LUZP2: variants seen among roughly 807,000 people sequenced by gnomAD.
LUZP2 encodes leucine zipper protein 2.
Under a neutral mutation model 51.6 loss-of-function variants are expected in LUZP2, and 52 were observed. That is an observed-to-expected ratio of 1.01 (90% CI 0.81 to 1.27). LUZP2 has a LOEUF of 1.27. Among genes scored for constraint, LUZP2 ranks in the 50% most tolerant of loss-of-function variants. The probability of loss-of-function intolerance (pLI) is 0.00; values close to 1 mark genes in which losing one functional copy is unlikely to be tolerated. For missense variants in LUZP2, 436 were observed against 395.4 expected (o/e 1.10, Z -0.87); for synonymous variants, 154 against 137.3 (o/e 1.12, Z -0.85).
chr11:24,693,980 T>C (rs1162822197), intron 1 of LUZP2, among the ~76,000 whole-genome samples: 3 of 152,012 alleles, frequency 2.0e-5, no homozygotes, highest in African/African-American at 4.8e-5. Flanking sequence ...GAAAAAGAGA[T>C]GCTTTCATAC....
intron 7 of LUZP2, among the ~76,000 whole-genome samples, chr11:24,966,747 C>T (rs915153557): frequency 1.1e-4 from 16 of 145,204 alleles, no homozygotes; most frequent in Admixed American, 6.2e-4. Context: ...ATATATTTTA[C>T]ATTATATATT....
intron 7 of LUZP2, among the ~76,000 whole-genome samples, chr11:24,939,975 A>T (rs1444032959): frequency 1.3e-5 from 2 of 151,526 alleles, no homozygotes; most frequent in Non-Finnish European, 2.9e-5. Flanking sequence ...ACTTGGCATC[A>T]TGGAGGTGCT....
intron 5 of LUZP2, among the ~76,000 whole-genome samples, chr11:24,865,607 C>CCT: frequency 6.6e-6 from 1 of 152,050 alleles, no homozygotes; most frequent in East Asian, 1.9e-4. Flanking sequence ...TGTCTCACTC[C>CCT]CTCTCTCATT....
chr11:24,634,291 C>T, intron 1 of LUZP2, among the ~76,000 whole-genome samples: 1 of 151,978 alleles, frequency 6.6e-6, no homozygotes, highest in South Asian at 2.1e-4. Flanking sequence ...AGTACTATTC[C>T]ATATTACAAG....
At chr11:24,995,305 A>G (rs1352193936) in intron 9 of LUZP2, among the ~76,000 whole-genome samples, 1 of 152,162 alleles carries the variant, frequency 6.6e-6, no homozygotes, top group Non-Finnish European at 1.5e-5. Flanking sequence ...AGGGAGAAGG[A>G]TGGCTTCAGC....
chr11:24,623,226 C>G (rs1238130330), intron 1 of LUZP2, among the ~76,000 whole-genome samples: 1 of 143,776 alleles, frequency 7.0e-6, no homozygotes, highest in Non-Finnish European at 1.5e-5. Context: ...GTAGGCTGTA[C>G]TCATAAAAAC....
chr11:24,876,002 G>A (rs1311019451), intron 5 of LUZP2, among the ~76,000 whole-genome samples: 4 of 151,682 alleles, frequency 2.6e-5, no homozygotes, highest in South Asian at 2.1e-4. Context: ...TCTGGATATT[G>A]GCCCTTTGTC....
rs563751829 is a variant in LUZP2, at chr11:24,962,582, C to T, written c.523-14009C>T. On this transcript the variant is annotated intron_variant, in intron 7 of 11. Coordinates refer to ENST00000336930, the MANE Select transcript of LUZP2 (RefSeq NM_001009909.4). ...CGGCTCCTGAGGCTTCTGCATTCTT[C>T]ACGTAGTTCTTGAGCCTTAGCTTTC... 2.7e-4 allele frequency among the ~76,000 whole-genome samples: 41 copies of T among 152,334 alleles called. No individual in the cohort carries two copies. The South Asian group carries it at 6.6e-3, about 25-fold the overall frequency.
intron 1 of LUZP2, among the ~76,000 whole-genome samples, chr11:24,632,240 G>A (rs1168043043): frequency 6.6e-5 from 10 of 151,850 alleles, no homozygotes; most frequent in Admixed American, 6.6e-4. Context: ...ACTCAAAATA[G>A]AATATTTATT....
chr11:25,047,229 T>A (rs943944355), intron 9 of LUZP2, among the ~76,000 whole-genome samples: 3 of 152,144 alleles, frequency 2.0e-5, no homozygotes, highest in Non-Finnish European at 4.4e-5. Context: ...CCTCAAAGCA[T>A]CTGCAAGTTT....
intron 7 of LUZP2, among the ~76,000 whole-genome samples, chr11:24,920,018 TG>T (rs1261235544): frequency 2.6e-5 from 4 of 151,762 alleles, no homozygotes; most frequent in Admixed American, 6.6e-5. Context: ...TAAAGTAAAA[TG>T]ATTATTTTGA....
intron 9 of LUZP2, among the ~76,000 whole-genome samples, chr11:24,985,944 C>G (rs1856176428): frequency 6.6e-6 from 1 of 151,662 alleles, no homozygotes; most frequent in Non-Finnish European, 1.5e-5. Flanking sequence ...TGCAAAGTCA[C>G]TAGACATGAG....
At chr11:24,756,468 T>G (rs1859777757) in intron 4 of LUZP2, among the ~76,000 whole-genome samples, 1 of 152,214 alleles carries the variant, frequency 6.6e-6, no homozygotes, top group Non-Finnish European at 1.5e-5. Flanking sequence ...AGTAACCAAA[T>G]GCAGCATAAC....
At chr11:24,633,900 G>T (rs1417756895) in intron 1 of LUZP2, among the ~76,000 whole-genome samples, 11 of 151,126 alleles carry the variant, frequency 7.3e-5, no homozygotes, top group Admixed American at 1.3e-4. Context: ...CTTCAAATTT[G>T]AAAAAAATTA....
chr11:24,914,345 T>G, intron 6 of LUZP2, 131 bp from the exon 7 acceptor site: 3 of 665,676 alleles, frequency 4.5e-6, no homozygotes, highest in Non-Finnish European at 7.8e-6. Flanking sequence ...GTTTCTGCTT[T>G]ACTTCTAAAC....
rs563264704 is a variant in LUZP2, at chr11:24,837,935, A to T, written c.397-68056A>T. Among the ~76,000 whole-genome samples, 6 of 151,860 alleles carry T rather than the reference A, an allele frequency of 4.0e-5. No homozygotes were observed. In the South Asian group the frequency reaches 1.2e-3, roughly 31 times the overall value. On this transcript the variant is annotated intron_variant, in intron 5 of 11. Coordinates refer to ENST00000336930, the MANE Select transcript of LUZP2 (RefSeq NM_001009909.4). The stretch of plus-strand genomic sequence containing the variant: ...CTCCCAGATAAACAAACTAGATTTC[A>T]CAAATGGTTGCATGATTATTCTCTA...
intron 1 of LUZP2, among the ~76,000 whole-genome samples, chr11:24,569,336 C>T (rs2067145075): frequency 6.6e-6 from 1 of 151,944 alleles, no homozygotes; most frequent in South Asian, 2.1e-4. Context: ...TATATTAAAT[C>T]CTTTTTATAT....
intron 4 of LUZP2, among the ~76,000 whole-genome samples, chr11:24,739,204 A>T (rs1250412823): frequency 6.6e-6 from 1 of 151,998 alleles, no homozygotes; most frequent in African/African-American, 2.4e-5. Flanking sequence ...TTCTGAGGCA[A>T]TGAACAAGTG....
chr11:25,001,477 A>T (rs1856679993), intron 9 of LUZP2, among the ~76,000 whole-genome samples: 1 of 152,144 alleles, frequency 6.6e-6, no homozygotes, highest in Non-Finnish European at 1.5e-5. Flanking sequence ...CCCTGTTAGG[A>T]AACCTGCTGG....
Sources: allele counts gnomAD v4.1 joint callset (sites outside exome capture counted in the v4.1 genomes callset), GRCh38; gene constraint gnomAD v4.1.1; transcripts MANE v1.5; gene names NCBI Gene and HGNC (gene_info 2026-07-23, HGNC 2026-07-21).